Variants in PIEZO2 observed in about 807,000 individuals in gnomAD.
PIEZO2 encodes the protein piezo type mechanosensitive ion channel component 2.
PIEZO2 carries 172 observed loss-of-function variants against 337.3 expected under a neutral mutation model. The observed-to-expected ratio is 0.51, with a 90% confidence interval of 0.45 to 0.58. The LOEUF (loss-of-function observed/expected upper bound fraction) is 0.58. Among genes scored for constraint, PIEZO2 ranks in the 20% least tolerant of loss-of-function variants. The pLI is 0.00. For missense variants in PIEZO2, 3,028 were observed against 3,391.3 expected, an observed-to-expected ratio of 0.89 and a Z score of 2.66; for synonymous variants, 1,251 against 1,228.5, an observed-to-expected ratio of 1.02 and a Z score of -0.38.
intron 3 of PIEZO2, among the ~76,000 whole-genome samples, chr18:10,932,423 C>A (rs1248826732): frequency 2.0e-5 from 3 of 152,116 alleles, no homozygotes; most frequent in East Asian, 1.9e-4. Flanking sequence ...AAACCCACAT[C>A]ATCACATAGC....
At chr18:10,986,040 T>C (rs1011216820) in intron 2 of PIEZO2, among the ~76,000 whole-genome samples, 1 of 151,918 alleles carries the variant, frequency 6.6e-6, no homozygotes, top group African/African-American at 2.4e-5. Context: ...ATTTCTGCAA[T>C]GAAAAGACAA....
At position 10,757,969 on chromosome 18, in the gene PIEZO2, C is replaced by T; in HGVS notation, c.3923G>A (p.Arg1308Lys). Reference protein sequence around the residue: ...HNPVPDFIHCRSYLDMSKVII... With the variant: ...HNPVPDFIHCKSYLDMSKVII... ...TTAGCAAATGTGAAGCTCTTGTTACCTGCAGTGAATAAAATCTGGCACAGG... is the reference window on the plus strand; with the variant it reads ...TTAGCAAATGTGAAGCTCTTGTTACTTGCAGTGAATAAAATCTGGCACAGG... Residue 1308 changes from arginine to lysine, a missense_variant and splice_region_variant, in exon 27 of 56, where the codon AGA becomes AAA. By Grantham distance (26) the Arg-to-Lys change is conservative (BLOSUM62 2). This residue lies in a region of PIEZO2 where 1,925 missense variants were observed against 2,051.9 expected (regional missense o/e 0.94). Coordinates refer to ENST00000674853, the MANE Select transcript of PIEZO2 (RefSeq NM_001378183.1). 5 of 1,534,036 alleles carry T rather than the reference C, an allele frequency of 3.3e-6. No individual in the cohort carries two copies. The highest frequency in any genetic ancestry group is 4.4e-6 in the Non-Finnish European group (5 of 1,145,292).
Position 10,757,965 on chromosome 18 carries a change from T to A in PIEZO2, c.3923+4A>T. Reference sequence around the variant, plus strand: ...GCTTTTAGCAAATGTGAAGCTCTTGTTACCTGCAGTGAATAAAATCTGGCA... The same window carrying A: ...GCTTTTAGCAAATGTGAAGCTCTTGATACCTGCAGTGAATAAAATCTGGCA... On this transcript the variant is annotated splice_donor_region_variant and intron_variant, in intron 27 of 55. Transcript: ENST00000674853. 1 of 1,531,822 alleles carries A rather than the reference T, an allele frequency of 6.5e-7. No homozygotes were observed. The highest frequency in any genetic ancestry group is 8.7e-7 in the Non-Finnish European group (1 of 1,144,190). 94.9% of individuals were successfully genotyped at this position (1,531,822 alleles called of 1,614,324 possible). A position where few individuals can be genotyped will look rare whatever the true frequency, so the allele number is the denominator to read the frequency against.
At position 10,744,164 on chromosome 18, in the gene PIEZO2, A is replaced by C; in HGVS notation, c.4492T>G (p.Ser1498Ala). The change falls in exon 31 of 56, where the codon TCC (serine) becomes GCC (alanine). Residue 1498 changes from serine (S) to alanine (A), a missense_variant. Ser to Ala is a moderately conservative substitution (Grantham distance 99). Coordinates refer to ENST00000674853, the MANE Select transcript of PIEZO2 (RefSeq NM_001378183.1). ...TACTGTCGCTTCAGCTGGTCCATGGACTTCTTCTCTTCCTCAATTCTTGCC... is the reference window on the plus strand; with the variant it reads ...TACTGTCGCTTCAGCTGGTCCATGGCCTTCTTCTCTTCCTCAATTCTTGCC... ...VKARIEEEKK[S>A]MDQLKRQMDR... 6.5e-7 allele frequency: 1 copy of C among 1,536,640 alleles called. No homozygotes were observed. The highest frequency in any genetic ancestry group is 8.7e-7 in the Non-Finnish European group (1 of 1,146,430).
At chr18:11,135,794 C>T (rs1298047304) in intron 1 of PIEZO2, among the ~76,000 whole-genome samples, 1 of 152,168 alleles carries the variant, frequency 6.6e-6, no homozygotes, top group African/African-American at 2.4e-5. Context: ...GATCCGCCCA[C>T]CTAGGCCTGC....
At chr18:10,960,684 T>A (rs1357283054) in intron 3 of PIEZO2, among the ~76,000 whole-genome samples, 1 of 152,194 alleles carries the variant, frequency 6.6e-6, no homozygotes, top group Non-Finnish European at 1.5e-5. Flanking sequence ...CAACCTTAAT[T>A]TAAAAGTTAC....
In PIEZO2 at chr18:10,784,771, T is replaced by G. The variant is rs769941402; in HGVS notation, c.2492+13A>C. The G allele has an allele frequency of 1.6e-5, 25 of 1,523,918 alleles. No individual in the cohort carries two copies. In the South Asian group the frequency reaches 2.9e-4, roughly 18 times the overall value. 94.4% of individuals were successfully genotyped at this position (1,523,918 alleles called of 1,614,324 possible). Reference sequence around the variant, plus strand: ...CTGCTAATAAGAGGTCTGTGTTTCTTCCAGTGGCTCACCTGTAGATGGTGT... The same window carrying G: ...CTGCTAATAAGAGGTCTGTGTTTCTGCCAGTGGCTCACCTGTAGATGGTGT... On this transcript the variant is annotated intron_variant, in intron 17 of 55. Transcript: ENST00000674853. This position sits in a 1 kb window ranked among gnomAD's most constrained non-coding sequence, Gnocchi z 4.5.
intron 49 of PIEZO2, among the ~76,000 whole-genome samples, chr18:10,683,173 G>A (rs2034351528): frequency 6.6e-6 from 1 of 152,232 alleles, no homozygotes; most frequent in African/African-American, 2.4e-5. Flanking sequence ...TTATCTTCAG[G>A]AGGGATCCAT....
intron 3 of PIEZO2, among the ~76,000 whole-genome samples, chr18:10,932,315 G>A (rs1341080543): frequency 6.6e-6 from 1 of 152,092 alleles, no homozygotes; most frequent in Non-Finnish European, 1.5e-5. Context: ...AGGATCAATT[G>A]AGCCTGGGAA....
In PIEZO2 at chr18:11,096,789, A is replaced by C. The variant is rs1208753526; in HGVS notation, c.65-30567T>G. 6.6e-6 allele frequency among the ~76,000 whole-genome samples: 1 copy of C among 152,134 alleles called. No homozygotes were observed. The highest frequency in any genetic ancestry group is 1.5e-5 in the Non-Finnish European group (1 of 68,030). ...GCTCAGGCTGACCACACTAACATAA[A>C]AAGCACTCATTCTTCTGCATTTCCT... On this transcript the variant is annotated intron_variant, in intron 1 of 55. Transcript: ENST00000674853. The surrounding 1 kb of genome is among the most constrained non-coding windows in gnomAD (Gnocchi z 4.6).
At position 10,752,931 on chromosome 18, in the gene PIEZO2, G is replaced by A. The variant is rs1320040268; in HGVS notation, c.3924-52C>T. 8.7e-6 allele frequency: 13 copies of A among 1,499,790 alleles called. No homozygotes were observed. In the Admixed American group the frequency reaches 2.8e-4, roughly 33 times the overall value. 92.9% of individuals were successfully genotyped at this position (1,499,790 alleles called of 1,614,324 possible). A position where few individuals can be genotyped will look rare whatever the true frequency, so the allele number is the denominator to read the frequency against. On this transcript the variant is annotated intron_variant, in intron 27 of 55. Coordinates refer to ENST00000674853, the MANE Select transcript of PIEZO2 (RefSeq NM_001378183.1). The stretch of plus-strand genomic sequence containing the variant: ...GACAACAACAACAAAACAAACAAAA[G>A]CAAAATCAGGAAAGTCTTTAACAAG...
intron 28 of PIEZO2, among the ~76,000 whole-genome samples, chr18:10,751,610 C>A (rs562410875): frequency 2.4e-4 from 37 of 152,304 alleles, no homozygotes; most frequent in African/African-American, 8.4e-4. Flanking sequence ...CACGTGCCCC[C>A]CCGAAAATCA....
intron 45 of PIEZO2, among the ~76,000 whole-genome samples, chr18:10,697,507 C>G (rs1182953514): frequency 6.6e-6 from 1 of 152,140 alleles, no homozygotes. Context: ...TTGAAATGAC[C>G]CATTTACTCT....
intron 2 of PIEZO2, among the ~76,000 whole-genome samples, chr18:10,986,794 T>C (rs984037373): frequency 6.6e-5 from 10 of 151,988 alleles, no homozygotes; most frequent in South Asian, 2.1e-4. Flanking sequence ...TGTTTTTAGA[T>C]AATATAATAT....
rs1035886408 is a variant in PIEZO2, at chr18:10,954,640, A to G, written c.286+24895T>C. 8.5e-5 allele frequency among the ~76,000 whole-genome samples: 13 copies of G among 152,116 alleles called. No homozygotes were observed. The highest frequency in any genetic ancestry group is 3.1e-4 in the African/African-American group (13 of 41,430). On this transcript the variant is annotated intron_variant, in intron 3 of 55. Coordinates refer to ENST00000674853, the MANE Select transcript of PIEZO2 (RefSeq NM_001378183.1). The surrounding 1 kb of genome is among the most constrained non-coding windows in gnomAD (Gnocchi z 4.2). ...GGGGAAGGGAGAAGAAAAAGGGCTG[A>G]GCTAGAGTGATGGCGGCACTCGAAG... is the stretch of plus-strand genomic sequence containing the variant.
Position 11,078,045 on chromosome 18 carries a change from CCCA to C in PIEZO2, c.65-11826_65-11824del, listed in dbSNP as rs2038606367. Among the ~76,000 whole-genome samples the C allele has an allele frequency of 1.0e-5, 1 of 97,648 alleles. No individual in the cohort carries two copies. Among genetic ancestry groups the C allele is most frequent in the Non-Finnish European group, 2.0e-5 (1 of 49,464 alleles). The allele number at this position is 97,648 out of a possible 152,430, so 64.1% of individuals were successfully genotyped here. A position where few individuals can be genotyped will look rare whatever the true frequency, so the allele number is the denominator to read the frequency against. On this transcript the variant is annotated intron_variant, in intron 1 of 55. Transcript: ENST00000674853. The surrounding 1 kb of genome is among the most constrained non-coding windows in gnomAD (Gnocchi z 5.3). ...GTGCGTGCACACACACCCACACACA[CCCA>C]CACACACACACACACACACCACACA...
intron 2 of PIEZO2, among the ~76,000 whole-genome samples, chr18:10,995,051 C>T (rs2035260484): frequency 7.7e-6 from 1 of 129,574 alleles, no homozygotes; most frequent in African/African-American, 3.1e-5. Context: ...GCACTCCAGC[C>T]TGGGCAACAG....
rs2039769786 is a variant in PIEZO2, at chr18:11,112,652, AT to A, written c.64+35872del. 1.3e-5 allele frequency among the ~76,000 whole-genome samples: 2 copies of A among 152,352 alleles called. No individual in the cohort carries two copies. Among genetic ancestry groups the A allele is most frequent in the East Asian group, 1.9e-4 (1 of 5,180 alleles). ...TTACACACTTAGTCGTAAGTCAACA[AT>A]TGCCAGATTAGGCACAGAAACAAAC... On this transcript the variant is annotated intron_variant, in intron 1 of 55. Transcript: ENST00000674853. This position sits in a 1 kb window ranked among gnomAD's most constrained non-coding sequence, Gnocchi z 4.3.
rs756147069 is a variant in PIEZO2, at chr18:10,671,482, A to G, written c.*45T>C. The G allele has an allele frequency of 1.9e-6, 3 of 1,564,964 alleles. No individual in the cohort carries two copies. In the East Asian group the frequency reaches 6.8e-5, roughly 35 times the overall value. ...CTTATGAGAATATTGTGCTTTTAAAAAAAATTCAAATGTTAACATTATTTG... is the reference window on the plus strand; with the variant it reads ...CTTATGAGAATATTGTGCTTTTAAAGAAAATTCAAATGTTAACATTATTTG... On this transcript the variant is annotated 3_prime_UTR_variant, in exon 56 of 56. Coordinates refer to ENST00000674853, the MANE Select transcript of PIEZO2 (RefSeq NM_001378183.1).
Sources: allele counts gnomAD v4.1 joint callset (sites outside exome capture counted in the v4.1 genomes callset), GRCh38; gene constraint gnomAD v4.1.1; regional missense constraint gnomAD v4.1.1; non-coding constraint Gnocchi (gnomAD v3.1); transcripts MANE v1.5; gene names NCBI Gene and HGNC (gene_info 2026-07-23, HGNC 2026-07-21).